Variants in PPP1R2 observed in about 807,000 individuals in gnomAD.
PPP1R2 encodes the protein protein phosphatase inhibitor 2.
A neutral mutation model predicts 29.9 loss-of-function variants in PPP1R2; 16 were observed. That is an observed-to-expected ratio of 0.53 (90% confidence interval 0.36 to 0.81). The LOEUF (loss-of-function observed/expected upper bound fraction) is 0.81, where lower values mean the gene tolerates loss of function less well. PPP1R2 is among the 30% of genes least tolerant of loss of function. The probability of loss-of-function intolerance (pLI) is 0.00; values close to 1 mark genes in which losing one functional copy is unlikely to be tolerated. For missense variants in PPP1R2, 197 were observed against 252.7 expected, an observed-to-expected ratio of 0.78 and a Z score of 1.49; for synonymous variants, 76 against 91.5, an observed-to-expected ratio of 0.83 and a Z score of 0.96.
At chr3:195,533,174 C>T (rs1719250711) in intron 1 of PPP1R2, among the ~76,000 whole-genome samples, 1 of 151,938 alleles carries the variant, frequency 6.6e-6, no homozygotes, top group Non-Finnish European at 1.5e-5. Flanking sequence ...TGGTGAAACC[C>T]CGTCTCTACC....
chr3:195,532,335 GCCA>G (rs1277959470), intron 1 of PPP1R2, among the ~76,000 whole-genome samples: 2 of 150,336 alleles, frequency 1.3e-5, no homozygotes, highest in Non-Finnish European at 3.0e-5. Flanking sequence ...ACAGGTATGA[GCCA>G]CCACACCTGG....
intron 1 of PPP1R2, among the ~76,000 whole-genome samples, chr3:195,537,430 A>T (rs1719432297): frequency 1.3e-5 from 2 of 148,318 alleles, no homozygotes; most frequent in Non-Finnish European, 3.0e-5. Context: ...AAAAAAGAGG[A>T]CTGTTTGTAA....
chr3:195,528,189 T>G (rs953422610), intron 2 of PPP1R2, among the ~76,000 whole-genome samples: 1 of 152,188 alleles, frequency 6.6e-6, no homozygotes, highest in Non-Finnish European at 1.5e-5. Flanking sequence ...ATCATTCTTA[T>G]GCCTTTGCTT....
At chr3:195,526,858 T>C (rs1718991258) in intron 2 of PPP1R2, among the ~76,000 whole-genome samples, 1 of 152,192 alleles carries the variant, frequency 6.6e-6, no homozygotes. Context: ...CTCAGCTCAC[T>C]GCAACCTCTG....
chr3:195,526,739 T>C (rs1718985625), intron 2 of PPP1R2, among the ~76,000 whole-genome samples: 1 of 151,970 alleles, frequency 6.6e-6, no homozygotes, highest in Admixed American at 6.6e-5. Context: ...CTCAGCCTCC[T>C]AGCTAGCTGG....
intron 5 of PPP1R2, among the ~76,000 whole-genome samples, 196 bp downstream of exon 5, chr3:195,518,822 T>A (rs561436812): frequency 2.0e-5 from 3 of 152,058 alleles, no homozygotes; most frequent in South Asian, 4.1e-4. Context: ...TGGTCTAAAA[T>A]CAAATCAACT....
chr3:195,519,283 T>C (rs1426203117), intron 4 of PPP1R2, 98 bp from the exon 5 acceptor site: 18 of 939,606 alleles, frequency 1.9e-5, no homozygotes, highest in Admixed American at 1.5e-4. Context: ...GATGCTCATT[T>C]GTTTTTGTCA....
chr3:195,522,474 A>C (rs1163902779), intron 4 of PPP1R2, among the ~76,000 whole-genome samples: 1 of 152,218 alleles, frequency 6.6e-6, no homozygotes, highest in Non-Finnish European at 1.5e-5. Context: ...ACAACTTGAG[A>C]AAAACATCCC....
Position 195,516,740 on chromosome 3 carries a change from A to T in PPP1R2, c.*156T>A. ...TATATCGATTAGGCATTTTCAGTCTAATCAGTCTCTAAGTTTATCATTTAA... is the reference window on the plus strand; with the variant it reads ...TATATCGATTAGGCATTTTCAGTCTTATCAGTCTCTAAGTTTATCATTTAA... On this transcript the variant is annotated 3_prime_UTR_variant, in exon 6 of 6. Coordinates refer to ENST00000618156, the MANE Select transcript of PPP1R2 (RefSeq NM_006241.8). 1 of 631,552 alleles carries T rather than the reference A, an allele frequency of 1.6e-6. No homozygotes were observed. The highest frequency in any genetic ancestry group is 2.8e-6 in the Non-Finnish European group (1 of 362,606). The allele number at this position is 631,552 out of a possible 1,614,324, so 39.1% of individuals were successfully genotyped here.
intron 2 of PPP1R2, among the ~76,000 whole-genome samples, chr3:195,525,640 T>C (rs749429565): frequency 3.3e-5 from 5 of 152,126 alleles, no homozygotes; most frequent in Non-Finnish European, 7.4e-5. Flanking sequence ...CAAAATTCGA[T>C]CCCAAAGATC....
At chr3:195,524,080 CCT>C (rs1718871515) in intron 3 of PPP1R2, among the ~76,000 whole-genome samples, 1 of 150,128 alleles carries the variant, frequency 6.7e-6, no homozygotes, top group Non-Finnish European at 1.5e-5. Flanking sequence ...AGAACAAGGC[CCT>C]GTCTCAAAAA....
chr3:195,537,368 TTTA>T (rs974529118), intron 1 of PPP1R2, among the ~76,000 whole-genome samples: 11 of 152,200 alleles, frequency 7.2e-5, no homozygotes, highest in African/African-American at 2.6e-4. Context: ...TGAATTAAAG[TTTA>T]TTAAGAACTT....
chr3:195,531,446 T>C (rs1179675300), intron 1 of PPP1R2, among the ~76,000 whole-genome samples: 1 of 152,216 alleles, frequency 6.6e-6, no homozygotes, highest in Non-Finnish European at 1.5e-5. Context: ...AAGAATAACA[T>C]ACTCAACATT....
chr3:195,542,777 C>G, intron 1 of PPP1R2, 127 bp downstream of exon 1: 1 of 1,164,224 alleles, frequency 8.6e-7, no homozygotes, highest in East Asian at 3.0e-5. Context: ...CGCGGCTAGC[C>G]GGGCAGGAGA....
Position 195,516,872 on chromosome 3 carries a change from A to T in PPP1R2, c.*24T>A. 6.2e-7 allele frequency: 1 copy of T among 1,601,624 alleles called. No homozygotes were observed. The highest frequency in any genetic ancestry group is 1.1e-5 in the South Asian group (1 of 90,778). On this transcript the variant is annotated 3_prime_UTR_variant, in exon 6 of 6. Coordinates refer to ENST00000618156, the MANE Select transcript of PPP1R2 (RefSeq NM_006241.8). The stretch of plus-strand genomic sequence containing the variant: ...TCACAGGGTTTACATCTAACAAACA[A>T]TTGCAGTGTTGAACAAATCTCGTCT...
intron 2 of PPP1R2, among the ~76,000 whole-genome samples, chr3:195,525,948 G>T (rs2108943699): frequency 6.6e-6 from 1 of 152,100 alleles, no homozygotes; most frequent in East Asian, 1.9e-4. Flanking sequence ...TTAATTTATA[G>T]AATCGTTCTA....
At chr3:195,540,126 G>A (rs1719538648) in intron 1 of PPP1R2, among the ~76,000 whole-genome samples, 1 of 152,142 alleles carries the variant, frequency 6.6e-6, no homozygotes, top group South Asian at 2.1e-4. Flanking sequence ...TTGCTAAAAT[G>A]TGTAATCCCA....
rs3988245 is a variant in PPP1R2, at chr3:195,515,010, CAAA to C, written c.*1883_*1885del. ...CTTCACTCTATGACAGCTACTTCTA[CAAA>C]AAAAAAAAAAGAGTATGTGGGTACT... is the stretch of plus-strand genomic sequence containing the variant. On this transcript the variant is annotated 3_prime_UTR_variant, in exon 6 of 6. Transcript: ENST00000618156. 227 of 210,558 alleles carry C rather than the reference CAAA, an allele frequency of 1.1e-3. No individual in the cohort carries two copies. Among genetic ancestry groups the C allele is most frequent in the East Asian group, 3.2e-3 (24 of 7,386 alleles). The allele number at this position is 210,558 out of a possible 1,614,324, so 13.0% of individuals were successfully genotyped here.
rs554651216 is a variant in PPP1R2 at position 195,534,962 on chromosome 3, G to A, written c.123-5061C>T. Reference sequence around the variant, plus strand: ...ATAAAGGTGTCAAGGTGGTTTACTCGTCCTCAAACACAACATCTCCAATTT... The same window carrying A: ...ATAAAGGTGTCAAGGTGGTTTACTCATCCTCAAACACAACATCTCCAATTT... On this transcript the variant is annotated intron_variant, in intron 1 of 5. Coordinates refer to ENST00000618156, the MANE Select transcript of PPP1R2 (RefSeq NM_006241.8). 8.7e-4 allele frequency among the ~76,000 whole-genome samples: 133 copies of A among 152,200 alleles called. 1 individual carries two copies. Among genetic ancestry groups the A allele is most frequent in the African/African-American group, 2.9e-3 (121 of 41,542 alleles).
Sources: gnomAD v4.1 joint callset for allele counts (sites outside exome capture counted in the v4.1 genomes callset) on GRCh38, gnomAD v4.1.1 for gene constraint, MANE v1.5 for transcripts, NCBI Gene and HGNC (gene_info 2026-07-23, HGNC 2026-07-21) for gene names.